Variants in BCL9L observed in about 807,000 individuals in gnomAD.
The protein encoded by BCL9L is BCL9 like.
Under a neutral mutation model 99.4 loss-of-function variants are expected in BCL9L, and 19 were observed. The ratio of observed to expected loss-of-function variants is 0.19; its 90% CI spans 0.13 to 0.28. BCL9L has a LOEUF of 0.28. Among genes scored for constraint, BCL9L ranks in the 10% least tolerant of loss-of-function variants. BCL9L has a pLI of 1.00. For synonymous variants in BCL9L, 900 were observed against 854.8 expected (o/e 1.05, Z -0.92); for missense variants, 2,023 against 2,101.6 (o/e 0.96, Z 0.73).
intron 1 of BCL9L, among the ~76,000 whole-genome samples, chr11:118,919,734 G>A (rs888228243): frequency 1.7e-4 from 26 of 152,212 alleles, no homozygotes; most frequent in African/African-American, 6.0e-4. Context: ...GGAGACCTTC[G>A]GCTGGGCTCA....
At chr11:118,909,290 G>T (rs867789941) in intron 3 of BCL9L, among the ~76,000 whole-genome samples, 2 of 152,080 alleles carry the variant, frequency 1.3e-5, no homozygotes, top group Admixed American at 6.5e-5. Context: ...AGCAGATGGG[G>T]AGTGTAGCTT....
chr11:118,902,931 T>C lies in BCL9L; in HGVS notation c.835-23A>G, dbSNP rs376172060. On this transcript the variant is annotated intron_variant, in intron 7 of 9. Transcript: ENST00000683865. This position sits in a 1 kb window ranked among gnomAD's most constrained non-coding sequence, Gnocchi z 7.8. Reference sequence around the variant, plus strand: ...GGCCTGCAGAAGGACAAAGAGAGCATGAGACAGGTAAGGGGACGTTCCACC... The same window carrying C: ...GGCCTGCAGAAGGACAAAGAGAGCACGAGACAGGTAAGGGGACGTTCCACC... 35 of 1,592,978 alleles carry C rather than the reference T, an allele frequency of 2.2e-5. No individual in the cohort carries two copies. The Middle Eastern group carries it at 5.0e-4, about 23-fold the overall frequency.
In BCL9L at chr11:118,909,264, G is replaced by C. The variant is rs953561423; in HGVS notation, c.27-609C>G. On this transcript the variant is annotated intron_variant, in intron 3 of 9. Transcript: ENST00000683865. Reference sequence around the variant, plus strand: ...AGGCAGAAGCAGGAGGAAAGGGGGAGGGGAGCGGTGTGTCAAGCAGATGGG... The same window carrying C: ...AGGCAGAAGCAGGAGGAAAGGGGGACGGGAGCGGTGTGTCAAGCAGATGGG... Among the ~76,000 whole-genome samples the C allele has an allele frequency of 2.6e-5, 4 of 152,218 alleles. No individual in the cohort carries two copies. In the East Asian group the frequency reaches 7.8e-4, roughly 30 times the overall value.
Position 118,901,408 on chromosome 11 carries a change from T to G in BCL9L, c.2335A>C (p.Asn779His). 1.2e-6 allele frequency: 2 copies of G among 1,614,050 alleles called. No homozygotes were observed. The highest frequency in any genetic ancestry group is 2.7e-5 in the African/African-American group (2 of 75,044). ...NLNMNMNVNMNMNMNLNVQMT... is the reference protein window; with the variant it reads ...NLNMNMNVNMHMNMNLNVQMT... ...TGCACGTTCAGGTTCATGTTCATGT[T>G]CATGTTGACATTCATGTTCATGTTG... is the stretch of plus-strand genomic sequence containing the variant. Residue 779 changes from asparagine (N) to histidine (H), a missense_variant, in exon 8 of 10, where the codon AAC becomes CAC. Transcript: ENST00000683865. The surrounding 1 kb of genome is among the most constrained non-coding windows in gnomAD (Gnocchi z 6.6).
At position 118,901,513 on chromosome 11, in the gene BCL9L, C is replaced by T. The variant is rs1202381464; in HGVS notation, c.2230G>A (p.Gly744Arg). The T allele has an allele frequency of 1.2e-6, 2 of 1,614,012 alleles. No individual in the cohort carries two copies. The highest frequency in any genetic ancestry group is 2.7e-5 in the African/African-American group (2 of 74,930). The change falls in exon 8 of 10, where the codon GGA (glycine) becomes AGA (arginine). Residue 744 changes from glycine to arginine, a missense_variant. Gly to Arg is a moderately radical substitution (Grantham distance 125). Coordinates refer to ENST00000683865, the MANE Select transcript of BCL9L (RefSeq NM_001378213.1). The surrounding 1 kb of genome is among the most constrained non-coding windows in gnomAD (Gnocchi z 6.6). ...AGTPMGMEFG[G>R]GRGLLSPPMG... ...GGAGGGCTCAGGAGGCCCCGGCCTC[C>T]ACCAAACTCCATGCCCATGGGAGTG...
rs939781865 is a variant in BCL9L, at chr11:118,921,631, G to A, written c.-130-2752C>T. On this transcript the variant is annotated intron_variant, in intron 1 of 9. Coordinates refer to ENST00000683865, the MANE Select transcript of BCL9L (RefSeq NM_001378213.1). This position sits in a 1 kb window ranked among gnomAD's most constrained non-coding sequence, Gnocchi z 5.4. ...CTAGAATAAAACACCAGGGTTAGGAGGGGGACCAGTCCAGGGCCAAGCAGG... is the reference window on the plus strand; with the variant it reads ...CTAGAATAAAACACCAGGGTTAGGAAGGGGACCAGTCCAGGGCCAAGCAGG... Among the ~76,000 whole-genome samples, 2 of 152,134 alleles carry A rather than the reference G, an allele frequency of 1.3e-5. No homozygotes were observed. The highest frequency in any genetic ancestry group is 4.8e-5 in the African/African-American group (2 of 41,420).
At chr11:118,908,159 G>A (rs966238045) in intron 4 of BCL9L, 111 bp downstream of exon 4, 1 of 1,407,928 alleles carries the variant, frequency 7.1e-7, no homozygotes, top group Non-Finnish European at 9.4e-7. Context: ...TACTGGAGAA[G>A]AACGTGGGAT....
rs1940350196 is a variant in BCL9L, at chr11:118,903,067, C to T, written c.757G>A (p.Glu253Lys). 1 of 1,579,156 alleles carries T rather than the reference C, an allele frequency of 6.3e-7. No homozygotes were observed. The highest frequency in any genetic ancestry group is 8.6e-7 in the Non-Finnish European group (1 of 1,167,472). Residue 253 changes from glutamate (E) to lysine (K), a missense_variant, in exon 7 of 10, where the codon GAG (glutamate) becomes AAG (lysine). Glu to Lys is a moderately conservative substitution (Grantham distance 56). Around this residue, in one of 3 missense-constraint regions of BCL9L, gnomAD observed 1,116 missense variants for 1,194.6 expected, o/e 0.93. Coordinates refer to ENST00000683865, the MANE Select transcript of BCL9L (RefSeq NM_001378213.1). This position sits in a 1 kb window ranked among gnomAD's most constrained non-coding sequence, Gnocchi z 5.6. ...FTTHLANTAA[E>K]AVLQGRADSI... ...TCGGCCCGGCCCTGCAGCACTGCCT[C>T]TGCAGCCCTGCACAGAGTGGGGGCA...
chr11:118,916,807 C>T (rs1312689707), intron 2 of BCL9L, among the ~76,000 whole-genome samples: 1 of 152,228 alleles, frequency 6.6e-6, no homozygotes, highest in Non-Finnish European at 1.5e-5. Context: ...TAACAGCTGC[C>T]ATCCAGGTCA....
At position 118,900,658 on chromosome 11, in the gene BCL9L, T is replaced by G; in HGVS notation, c.3085A>C (p.Asn1029His). ...GVSQNKQPPL[N>H]MNSSTTLSNM... is the part of the protein sequence containing the mutation. Reference sequence around the variant, plus strand: ...CTCAGGGTGGTGGAAGAGTTCATGTTGAGAGGCGGCTGCTTGTTCTGGGAG... The same window carrying G: ...CTCAGGGTGGTGGAAGAGTTCATGTGGAGAGGCGGCTGCTTGTTCTGGGAG... Residue 1029 changes from asparagine (N) to histidine (H), a missense_variant, in exon 8 of 10, where the codon AAC (asparagine) becomes CAC (histidine). Asn to His is a moderately conservative substitution (Grantham distance 68). Transcript: ENST00000683865. This position sits in a 1 kb window ranked among gnomAD's most constrained non-coding sequence, Gnocchi z 5.3. 6.2e-7 allele frequency: 1 copy of G among 1,612,792 alleles called. No homozygotes were observed.
chr11:118,905,819 A>AAAATAAATAAAT (rs149714418), intron 5 of BCL9L, among the ~76,000 whole-genome samples: 1 of 152,082 alleles, frequency 6.6e-6, no homozygotes, highest in South Asian at 2.1e-4. Flanking sequence ...CTCCGATTCA[A>AAAATAAATAAAT]AAATAAATAA....
rs994001138 is a variant in BCL9L at position 118,899,849 on chromosome 11, C to T, written c.3406+68G>A. 5.2e-6 allele frequency: 8 copies of T among 1,529,644 alleles called. No individual in the cohort carries two copies. The Admixed American group carries it at 5.9e-5, about 11-fold the overall frequency. The allele number at this position is 1,529,644 out of a possible 1,614,324, so 94.8% of individuals were successfully genotyped here. A position where few individuals can be genotyped will look rare whatever the true frequency, so the allele number is the denominator to read the frequency against. On this transcript the variant is annotated intron_variant, in intron 9 of 9. Transcript: ENST00000683865. ...AGGCACAAAAAAGCCAGCACAACCA[C>T]AGCTGTGCTCCCCGCTCCCAGTGCC...
At chr11:118,911,686 C>A (rs1940802140) in intron 2 of BCL9L, among the ~76,000 whole-genome samples, 1 of 152,238 alleles carries the variant, frequency 6.6e-6, no homozygotes, top group Non-Finnish European at 1.5e-5. Context: ...AAGGAAGTGG[C>A]GTGACCTTGA....
In BCL9L at chr11:118,901,592, C is replaced by T; in HGVS notation, c.2151G>A (p.Gln717=). Residue 717 remains glutamine, a synonymous_variant, in exon 8 of 10, where the codon CAG becomes CAA. Transcript: ENST00000683865. This position sits in a 1 kb window ranked among gnomAD's most constrained non-coding sequence, Gnocchi z 6.6. The stretch of plus-strand genomic sequence containing the variant: ...GCCCGGGAAACATGGCAGGATCCAT[C>T]TGTCGGTGCGCCTGCATCATCCGCT... ...EMERMMQAHR[Q]MDPAMFPGQM... is the part of the protein sequence containing the mutation. 6.2e-7 allele frequency: 1 copy of T among 1,614,108 alleles called. No homozygotes were observed. The highest frequency in any genetic ancestry group is 8.5e-7 in the Non-Finnish European group (1 of 1,180,022).
In BCL9L at chr11:118,901,813, G is replaced by T; in HGVS notation, c.1930C>A (p.Pro644Thr). ...AAATTGCTGGGTCCCCCCATAGGGG[G>T]CAAGTCTTCGGTCCAGCCCATGCCT... ...RPGMGWTEDL[P>T]PMGGPSNFAQ... is the part of the protein sequence containing the mutation. Residue 644 changes from proline to threonine, a missense_variant, in exon 8 of 10, where the codon CCC (proline) becomes ACC (threonine). Around this residue, in one of 3 missense-constraint regions of BCL9L, gnomAD observed 1,116 missense variants for 1,194.6 expected, o/e 0.93. Coordinates refer to ENST00000683865, the MANE Select transcript of BCL9L (RefSeq NM_001378213.1). This position sits in a 1 kb window ranked among gnomAD's most constrained non-coding sequence, Gnocchi z 6.6. 6.2e-7 allele frequency: 1 copy of T among 1,610,380 alleles called. No individual in the cohort carries two copies. Among genetic ancestry groups the T allele is most frequent in the East Asian group, 2.2e-5 (1 of 44,750 alleles).
At chr11:118,899,787 A>G in intron 9 of BCL9L, 130 bp downstream of exon 9, 1 of 1,324,214 alleles carries the variant, frequency 7.6e-7, no homozygotes, top group Non-Finnish European at 1.0e-6. Flanking sequence ...TGGGAACAGC[A>G]TCCCGGAGCC....
chr11:118,907,570 G>A lies in BCL9L; in HGVS notation c.445C>T (p.Leu149=). 6.2e-7 allele frequency: 1 copy of A among 1,613,882 alleles called. No individual in the cohort carries two copies. Among genetic ancestry groups the A allele is most frequent in the Non-Finnish European group, 8.5e-7 (1 of 1,180,026 alleles). Residue 149 remains leucine (L), a synonymous_variant, in exon 5 of 10, where the codon CTG becomes TTG. Transcript: ENST00000683865. ...CCACTGTACGGCTGCTTCCGCTCCA[G>A]CACACAGCGCCGCTTACTCCGCGGC... is the stretch of plus-strand genomic sequence containing the variant. The part of the protein sequence containing the change: ...VAPRSKRRCV[L]ERKQPYSGDE...
chr11:118,899,564 G>A (rs1940112658), intron 9 of BCL9L, 56 bp from the exon 10 acceptor site: 3 of 1,583,188 alleles, frequency 1.9e-6, no homozygotes, highest in East Asian at 2.3e-5. Flanking sequence ...CGGGGAGGGT[G>A]CAGGGCTCAG....
intron 3 of BCL9L, among the ~76,000 whole-genome samples, chr11:118,909,143 G>A (rs1386712082): frequency 1.3e-5 from 2 of 152,192 alleles, no homozygotes; most frequent in South Asian, 2.1e-4. Flanking sequence ...CATTCCCCAG[G>A]GACAGTGGGA....
Sources: gnomAD v4.1 joint callset for allele counts (sites outside exome capture counted in the v4.1 genomes callset) on GRCh38, gnomAD v4.1.1 for gene constraint, gnomAD v4.1.1 regional missense constraint, Gnocchi (gnomAD v3.1) non-coding constraint, MANE v1.5 for transcripts, NCBI Gene and HGNC (gene_info 2026-07-23, HGNC 2026-07-21) for gene names.